Variants in PTPRM observed in about 807,000 individuals in gnomAD.
PTPRM encodes the protein protein tyrosine phosphatase receptor type M.
PTPRM carries 47 observed loss-of-function variants against 186.7 expected under a neutral mutation model. The ratio of observed to expected loss-of-function variants is 0.25; its 90% CI spans 0.20 to 0.32. The LOEUF is 0.32. Among genes scored for constraint, PTPRM ranks in the 10% least tolerant of loss-of-function variants. PTPRM has a pLI of 1.00. For synonymous variants in PTPRM, 668 were observed against 674.9 expected, an observed-to-expected ratio of 0.99 and a Z score of 0.16; for missense variants, 1,494 against 1,865.0, an observed-to-expected ratio of 0.80 and a Z score of 3.66.
At chr18:7,611,292 CT>C (rs1280759852) in intron 1 of PTPRM, among the ~76,000 whole-genome samples, 1 of 152,016 alleles carries the variant, frequency 6.6e-6, no homozygotes, top group Non-Finnish European at 1.5e-5. Context: ...TTAGTGTAGC[CT>C]AAGTGCACAG....
At chr18:8,139,658 A>T (rs2092718618) in intron 13 of PTPRM, among the ~76,000 whole-genome samples, 1 of 151,852 alleles carries the variant, frequency 6.6e-6, no homozygotes, top group Non-Finnish European at 1.5e-5. Flanking sequence ...TCTCATTTGC[A>T]CCTTTTCCCT....
intron 2 of PTPRM, among the ~76,000 whole-genome samples, chr18:7,861,651 G>T (rs2047385633): frequency 6.6e-6 from 1 of 152,038 alleles, no homozygotes; most frequent in South Asian, 2.1e-4. Flanking sequence ...GTTCGTTTTG[G>T]TGGGGTCAAG....
chr18:8,378,492 G>A lies in PTPRM; in HGVS notation c.3612+78G>A, dbSNP rs536785471. On this transcript the variant is annotated intron_variant, in intron 27 of 32. Transcript: ENST00000580170. The stretch of plus-strand genomic sequence containing the variant: ...GATTTCAAGGTCAGCACCTGAGTGA[G>A]CCCTTGAATCACAAGGTTCCTTGGC... The A allele has an allele frequency of 3.8e-4, 576 of 1,524,448 alleles. 10 individuals are homozygous for A. In the South Asian group the frequency reaches 6.8e-3, roughly 18 times the overall value. The allele number at this position is 1,524,448 out of a possible 1,614,324, so 94.4% of individuals were successfully genotyped here.
rs1180691134 is a variant in PTPRM at position 8,114,065 on chromosome 18, A to G, written c.2130+306A>G. 3.3e-5 allele frequency among the ~76,000 whole-genome samples: 5 copies of G among 152,236 alleles called. No homozygotes were observed. In the East Asian group the frequency reaches 7.7e-4, roughly 24 times the overall value. On this transcript the variant is annotated intron_variant, in intron 12 of 32. Transcript: ENST00000580170. ...GCTTACTATTTTACAGGAAGACAGT[A>G]TAGCTCCAACACATACATTCAGCTC...
Position 8,387,186 on chromosome 18 carries a change from T to C in PTPRM, c.4159T>C (p.Trp1387Arg), listed in dbSNP as rs1451673476. ...FLKLIRQVDK[W>R]QEEYNGGEGR... ...GAAGCTCATTCGCCAGGTGGACAAG[T>C]GGCAAGAGGAGTACAATGGCGGGGA... is the stretch of plus-strand genomic sequence containing the variant. The change falls in exon 31 of 33, where the codon TGG becomes CGG. Residue 1387 changes from tryptophan to arginine, a missense_variant. Trp to Arg is a moderately radical substitution (Grantham distance 101). Transcript: ENST00000580170. 1.9e-6 allele frequency: 3 copies of C among 1,613,796 alleles called. No individual in the cohort carries two copies. In the African/African-American group the frequency reaches 4.0e-5, roughly 22 times the overall value.
At chr18:7,623,245 G>T (rs1485130720) in intron 1 of PTPRM, among the ~76,000 whole-genome samples, 1 of 152,034 alleles carries the variant, frequency 6.6e-6, no homozygotes, top group Non-Finnish European at 1.5e-5. Flanking sequence ...TATGTATTGG[G>T]TGTCAGAATC....
chr18:8,037,302 C>G (rs552882741), intron 7 of PTPRM, among the ~76,000 whole-genome samples: 1 of 152,230 alleles, frequency 6.6e-6, no homozygotes, highest in South Asian at 2.1e-4. Flanking sequence ...TTTCTTATAT[C>G]TTTACTAAAT....
At chr18:7,676,212 A>C (rs895367899) in intron 1 of PTPRM, among the ~76,000 whole-genome samples, 1 of 152,228 alleles carries the variant, frequency 6.6e-6, no homozygotes, top group South Asian at 2.1e-4. Flanking sequence ...GTGTTTCCAC[A>C]GTATTCTTAG....
At chr18:8,124,804 T>C (rs2092286854) in intron 13 of PTPRM, among the ~76,000 whole-genome samples, 2 of 152,176 alleles carry the variant, frequency 1.3e-5, no homozygotes, top group Non-Finnish European at 2.9e-5. Flanking sequence ...CAGAAGCCAA[T>C]AGAAGATATA....
chr18:8,228,363 C>T (rs997952467), intron 14 of PTPRM, among the ~76,000 whole-genome samples: 2 of 151,996 alleles, frequency 1.3e-5, no homozygotes, highest in Non-Finnish European at 2.9e-5. Flanking sequence ...GGAAGGTGCC[C>T]CAGCCAGATA....
chr18:8,074,448 A>T (rs935264702), intron 8 of PTPRM, among the ~76,000 whole-genome samples: 2 of 152,144 alleles, frequency 1.3e-5, no homozygotes, highest in African/African-American at 4.8e-5. Flanking sequence ...TATGTTGTAA[A>T]TCTACCAGTG....
At chr18:8,089,989 A>G (rs1192909849) in intron 11 of PTPRM, among the ~76,000 whole-genome samples, 1 of 152,196 alleles carries the variant, frequency 6.6e-6, no homozygotes, top group Non-Finnish European at 1.5e-5. Flanking sequence ...ATGAGGTTTC[A>G]TGCTTGCTGT....
At chr18:8,036,925 G>C (rs181259781) in intron 7 of PTPRM, among the ~76,000 whole-genome samples, 2 of 152,294 alleles carry the variant, frequency 1.3e-5, no homozygotes, top group East Asian at 3.9e-4. Flanking sequence ...ATGCAGGAAA[G>C]TTGCTGTTTA....
At chr18:7,922,201 T>C (rs561524994) in intron 4 of PTPRM, among the ~76,000 whole-genome samples, 27 of 152,306 alleles carry the variant, frequency 1.8e-4, no homozygotes, top group Non-Finnish European at 3.1e-4. Flanking sequence ...ATACCAGTAG[T>C]GTGGGAAGGC....
chr18:7,723,463 G>A (rs971876444), intron 1 of PTPRM, among the ~76,000 whole-genome samples: 6 of 152,168 alleles, frequency 3.9e-5, no homozygotes, highest in African/African-American at 1.4e-4. Context: ...TACCTGGCTG[G>A]TGTGAGTGCC....
At chr18:8,154,235 C>G (rs1391229981) in intron 14 of PTPRM, among the ~76,000 whole-genome samples, 1 of 152,104 alleles carries the variant, frequency 6.6e-6, no homozygotes, top group African/African-American at 2.4e-5. Context: ...AAGGAACTGC[C>G]TCGGGTGTGG....
At chr18:7,761,984 C>A (rs1438688573) in intron 1 of PTPRM, among the ~76,000 whole-genome samples, 1 of 152,118 alleles carries the variant, frequency 6.6e-6, no homozygotes, top group Non-Finnish European at 1.5e-5. Context: ...AGTTTTTATT[C>A]TTACCTTTGT....
intron 31 of PTPRM, among the ~76,000 whole-genome samples, chr18:8,388,020 A>G (rs1434107155): frequency 6.6e-6 from 1 of 151,722 alleles, no homozygotes; most frequent in African/African-American, 2.4e-5. Context: ...GGGCCCAGAC[A>G]TGGGTGTTTT....
intron 14 of PTPRM, among the ~76,000 whole-genome samples, chr18:8,162,884 C>A (rs1192791490): frequency 6.6e-6 from 1 of 152,220 alleles, no homozygotes; most frequent in Non-Finnish European, 1.5e-5. Flanking sequence ...GCCTGGCGAG[C>A]TGATGTGGTC....
Sources: gnomAD v4.1 joint callset for allele counts (sites outside exome capture counted in the v4.1 genomes callset) on GRCh38, gnomAD v4.1.1 for gene constraint, MANE v1.5 for transcripts, NCBI Gene and HGNC (gene_info 2026-07-23, HGNC 2026-07-21) for gene names.